Variants in AGBL4 observed in about 807,000 individuals in gnomAD.
AGBL4 encodes cytosolic carboxypeptidase 6.
Under a neutral mutation model 66.4 loss-of-function variants are expected in AGBL4, and 58 were observed. The observed-to-expected ratio is 0.87, with a 90% CI of 0.71 to 1.09. The LOEUF (loss-of-function observed/expected upper bound fraction) is 1.09. AGBL4 is among the 50% of genes least tolerant of loss of function. AGBL4 has a pLI of 0.00. For missense variants in AGBL4, 579 were observed against 631.0 expected, an observed-to-expected ratio of 0.92 and a Z score of 0.88; for synonymous variants, 234 against 222.9, an observed-to-expected ratio of 1.05 and a Z score of -0.44.
chr1:49,778,337 T>C (rs183464876), intron 2 of AGBL4, among the ~76,000 whole-genome samples: 1 of 152,270 alleles, frequency 6.6e-6, no homozygotes, highest in East Asian at 1.9e-4. Context: ...CCTGATGCAG[T>C]AGCACACAGA....
intron 1 of AGBL4, among the ~76,000 whole-genome samples, chr1:49,984,072 A>G (rs1659305125): frequency 6.6e-6 from 1 of 152,246 alleles, no homozygotes; most frequent in Non-Finnish European, 1.5e-5. Flanking sequence ...ACCTAAGTCC[A>G]TGCCAGGCAA....
intron 4 of AGBL4, among the ~76,000 whole-genome samples, chr1:49,108,746 C>T (rs935573933): frequency 3.3e-5 from 5 of 152,108 alleles, no homozygotes; most frequent in African/African-American, 1.2e-4. Context: ...TTTTAAAACC[C>T]CATGTGCCAC....
chr1:49,981,608 C>T lies in AGBL4; in HGVS notation c.34+42155G>A, dbSNP rs76377163. On this transcript the variant is annotated intron_variant, in intron 1 of 13. Coordinates refer to ENST00000371839, the MANE Select transcript of AGBL4 (RefSeq NM_032785.4). ...TAAATATGAAAGCAATGGATACAGG[C>T]TGTCTGCATTCAAATCATAGCTCCA... 4.4e-3 allele frequency among the ~76,000 whole-genome samples: 666 copies of T among 152,038 alleles called. 10 individuals are homozygous for T. Among genetic ancestry groups the T allele is most frequent in the African/African-American group, 0.015 (624 of 41,452 alleles).
chr1:48,535,832 C>A (rs146896815), intron 12 of AGBL4, among the ~76,000 whole-genome samples: 1 of 152,128 alleles, frequency 6.6e-6, no homozygotes, highest in East Asian at 1.9e-4. Context: ...TCTCACTTTT[C>A]TTTTCTTTAG....
chr1:48,781,164 G>C (rs1031079828), intron 6 of AGBL4, among the ~76,000 whole-genome samples: 1 of 152,152 alleles, frequency 6.6e-6, no homozygotes, highest in African/African-American at 2.4e-5. Flanking sequence ...TCCATTTTCC[G>C]ATAACCCAGA....
chr1:49,871,782 T>C (rs1402877322), intron 1 of AGBL4, among the ~76,000 whole-genome samples: 1 of 152,170 alleles, frequency 6.6e-6, no homozygotes, highest in Non-Finnish European at 1.5e-5. Flanking sequence ...ATGGTTATGA[T>C]GTAAAATTGT....
chr1:49,639,791 C>T (rs956805750), intron 3 of AGBL4, among the ~76,000 whole-genome samples: 1 of 152,052 alleles, frequency 6.6e-6, no homozygotes. Flanking sequence ...GTAATATGAG[C>T]AATTTTGCCG....
chr1:48,551,521 T>G (rs1644248513), intron 11 of AGBL4, among the ~76,000 whole-genome samples: 1 of 152,042 alleles, frequency 6.6e-6, no homozygotes, highest in Non-Finnish European at 1.5e-5. Context: ...TTTCCAGAGT[T>G]ATTTAGCATG....
Position 49,381,245 on chromosome 1 carries a change from A to C in AGBL4, c.283-135381T>G, listed in dbSNP as rs549857475. On this transcript the variant is annotated intron_variant, in intron 3 of 13. Coordinates refer to ENST00000371839, the MANE Select transcript of AGBL4 (RefSeq NM_032785.4). The stretch of plus-strand genomic sequence containing the variant: ...ATGCAGCCAAAAAACACATGAAAAA[A>C]TGCTCACCATCACTGGCCATCAGAG... 5.8e-3 allele frequency among the ~76,000 whole-genome samples: 887 copies of C among 152,340 alleles called. 11 individuals carry two copies. Among genetic ancestry groups the C allele is most frequent in the Non-Finnish European group, 7.3e-3 (499 of 68,028 alleles).
At chr1:49,806,533 G>A (rs948114393) in intron 2 of AGBL4, among the ~76,000 whole-genome samples, 1 of 152,110 alleles carries the variant, frequency 6.6e-6, no homozygotes, top group Non-Finnish European at 1.5e-5. Flanking sequence ...AAATGAAGCA[G>A]AACTTAAAGA....
chr1:49,452,080 T>C (rs539728332), intron 3 of AGBL4, among the ~76,000 whole-genome samples: 8 of 151,964 alleles, frequency 5.3e-5, no homozygotes, highest in Non-Finnish European at 1.2e-4. Context: ...CCTCCCTCTA[T>C]CTAATTGTAT....
intron 4 of AGBL4, among the ~76,000 whole-genome samples, chr1:49,177,054 A>C (rs1646845602): frequency 6.6e-6 from 1 of 152,064 alleles, no homozygotes; most frequent in African/African-American, 2.4e-5. Context: ...CCCCATCCAA[A>C]CAATCTGGCC....
Position 48,590,838 on chromosome 1 carries a change from A to C in AGBL4, c.1099T>G (p.Ser367Ala). The stretch of plus-strand genomic sequence containing the variant: ...AGAGAGAACTCCTGGCTTACATAGG[A>C]GAAGTCCTCAGCATTCTGGCAGAGG... ...KLLCQNAEDF[S>A]YSSTSFNRDA... is the part of the protein sequence containing the mutation. The change falls in exon 10 of 14, where the codon TCC (serine) becomes GCC (alanine). Residue 367 changes from serine (S) to alanine (A), a missense_variant. Coordinates refer to ENST00000371839, the MANE Select transcript of AGBL4 (RefSeq NM_032785.4). 1 of 1,599,950 alleles carries C rather than the reference A, an allele frequency of 6.3e-7. No homozygotes were observed. The highest frequency in any genetic ancestry group is 8.5e-7 in the Non-Finnish European group (1 of 1,173,034).
intron 3 of AGBL4, among the ~76,000 whole-genome samples, chr1:49,371,248 G>GATAGATAGATACATAC (rs1220363831): frequency 1.2e-4 from 17 of 137,880 alleles, no homozygotes; most frequent in Admixed American, 4.2e-4. Context: ...TAGATAGATA[G>GATAGATAGATACATAC]ATACATACAT....
At chr1:49,647,990 A>G (rs144355180) in intron 3 of AGBL4, among the ~76,000 whole-genome samples, 1 of 152,292 alleles carries the variant, frequency 6.6e-6, no homozygotes, top group African/African-American at 2.4e-5. Context: ...CCAGCTAACT[A>G]AAAACATAGT....
chr1:49,392,167 A>C (rs1333602109), intron 3 of AGBL4, among the ~76,000 whole-genome samples: 1 of 152,230 alleles, frequency 6.6e-6, no homozygotes, highest in Non-Finnish European at 1.5e-5. Flanking sequence ...AAGTAAATTA[A>C]GTAAAATTAT....
rs147627542 is a variant in AGBL4, at chr1:48,959,711, A to G, written c.594+85873T>C. ...GTGAGCCATGAGAATATCTAGAAAG[A>G]ATATTCTGGGTACAGACCAGTGATT... On this transcript the variant is annotated intron_variant, in intron 5 of 13. Coordinates refer to ENST00000371839, the MANE Select transcript of AGBL4 (RefSeq NM_032785.4). 4.5e-4 allele frequency among the ~76,000 whole-genome samples: 68 copies of G among 152,322 alleles called. 1 individual carries two copies. In the South Asian group the frequency reaches 9.5e-3, roughly 21 times the overall value.
chr1:49,904,136 C>T (rs368108954), intron 1 of AGBL4, among the ~76,000 whole-genome samples: 1 of 152,136 alleles, frequency 6.6e-6, no homozygotes, highest in African/African-American at 2.4e-5. Context: ...CTGTATCATA[C>T]TAAATCCATT....
At chr1:49,450,934 C>T (rs1646264510) in intron 3 of AGBL4, among the ~76,000 whole-genome samples, 1 of 152,024 alleles carries the variant, frequency 6.6e-6, no homozygotes, top group Non-Finnish European at 1.5e-5. Context: ...TTTATTAGTT[C>T]CCAATTCTAT....
Sources: allele counts gnomAD v4.1 joint callset (sites outside exome capture counted in the v4.1 genomes callset), GRCh38; gene constraint gnomAD v4.1.1; transcripts MANE v1.5; gene names NCBI Gene and HGNC (gene_info 2026-07-23, HGNC 2026-07-21).